The following SEMA6D variants were observed in gnomAD, a reference collection of about 807,000 sequenced individuals.
The protein encoded by SEMA6D is semaphorin 6D.
Under a neutral mutation model 106.6 loss-of-function variants are expected in SEMA6D, and 35 were observed. The ratio of observed to expected loss-of-function variants is 0.33; its 90% CI spans 0.25 to 0.44. The LOEUF (loss-of-function observed/expected upper bound fraction) is 0.44, where lower values mean the gene tolerates loss of function less well. Among genes scored for constraint, SEMA6D ranks in the 20% least tolerant of loss-of-function variants. SEMA6D has a pLI of 1.00. For missense variants in SEMA6D, 1,185 were observed against 1,345.9 expected, an observed-to-expected ratio of 0.88 and a Z score of 1.87; for synonymous variants, 499 against 487.7, an observed-to-expected ratio of 1.02 and a Z score of -0.31.
At chr15:47,591,782 G>C (rs563548101) in intron 3 of SEMA6D, among the ~76,000 whole-genome samples, 7 of 152,316 alleles carry the variant, frequency 4.6e-5, no homozygotes. Context: ...AGCAGCTTCA[G>C]GATGTTGAGA....
At chr15:47,290,183 G>A (rs150016333) in intron 1 of SEMA6D, among the ~76,000 whole-genome samples, 38 of 152,310 alleles carry the variant, frequency 2.5e-4, no homozygotes, top group South Asian at 6.2e-4. Context: ...TGAAGGGATC[G>A]CTGTGAAGCT....
chr15:47,265,748 T>TC (rs2034286666), intron 1 of SEMA6D, among the ~76,000 whole-genome samples: 1 of 152,068 alleles, frequency 6.6e-6, no homozygotes, highest in Non-Finnish European at 1.5e-5. Flanking sequence ...GGGTACCGAT[T>TC]TCCCCCACTG....
intron 4 of SEMA6D, among the ~76,000 whole-genome samples, chr15:47,642,074 C>T (rs1389093235): frequency 6.6e-6 from 1 of 152,190 alleles, no homozygotes; most frequent in Non-Finnish European, 1.5e-5. Flanking sequence ...TCTGTTTCCC[C>T]AGCCTTCTTA....
intron 18 of SEMA6D, 60 bp downstream of exon 18, chr15:47,768,808 T>C (rs560946906): frequency 6.6e-7 from 1 of 1,521,804 alleles, no homozygotes; most frequent in East Asian, 2.3e-5. Flanking sequence ...TTAATGTCAC[T>C]GAGGAGTATG....
chr15:47,771,455 T>C lies in SEMA6D; in HGVS notation c.2892T>C (p.Tyr964=), dbSNP rs768007993. Residue 964 remains tyrosine (Y), a synonymous_variant, in exon 19 of 19, where the codon TAT becomes TAC. Coordinates refer to ENST00000536845, the MANE Select transcript of SEMA6D (RefSeq NM_001358351.3). ...CTTCTCTGGAAAGACAAAGAGGTTA[T>C]CACAAAAATTCCTCCCAGAGGCACT... is the stretch of plus-strand genomic sequence containing the variant. ...PMTSLERQRG[Y]HKNSSQRHSI... 15 of 1,613,972 alleles carry C rather than the reference T, an allele frequency of 9.3e-6. No homozygotes were observed. The highest frequency in any genetic ancestry group is 8.8e-5 in the South Asian group (8 of 91,086).
chr15:47,408,138 GAGAGGTGGTGGGTA>G (rs1440876358), intron 1 of SEMA6D, among the ~76,000 whole-genome samples: 4 of 152,126 alleles, frequency 2.6e-5, no homozygotes, highest in Non-Finnish European at 5.9e-5. Context: ...TGGAAGTGGA[GAGAGGTGGTGGGTA>G]AGACAACTAC....
intron 1 of SEMA6D, among the ~76,000 whole-genome samples, chr15:47,734,098 G>C (rs538594438): frequency 6.6e-6 from 1 of 152,184 alleles, no homozygotes; most frequent in South Asian, 2.1e-4. Flanking sequence ...ATTTTCAGAT[G>C]ATGAATTTTA....
chr15:47,668,463 C>A (rs1160793385), intron 4 of SEMA6D, among the ~76,000 whole-genome samples: 3 of 152,148 alleles, frequency 2.0e-5, no homozygotes, highest in Non-Finnish European at 4.4e-5. Context: ...CTCTATTCTG[C>A]TCCTAGCTGC....
rs371289477 is a variant in SEMA6D at position 47,766,997 on chromosome 15, GTTAC to G, written c.1709-37_1709-34del. On this transcript the variant is annotated intron_variant, in intron 16 of 18. Coordinates refer to ENST00000536845, the MANE Select transcript of SEMA6D (RefSeq NM_001358351.3). ...ATTCATAAATTTTTGCTTTCTTTTG[GTTAC>G]TTTTCACTGATTACTTGTTCCTTTA... 2.4e-4 allele frequency: 298 copies of G among 1,232,968 alleles called. No individual in the cohort carries two copies. In the African/African-American group the frequency reaches 4.3e-3, roughly 18 times the overall value. The allele number at this position is 1,232,968 out of a possible 1,614,324, so 76.4% of individuals were successfully genotyped here. A position where few individuals can be genotyped will look rare whatever the true frequency, so the allele number is the denominator to read the frequency against.
chr15:47,421,200 T>TA (rs2041141760), intron 2 of SEMA6D, among the ~76,000 whole-genome samples: 1 of 152,124 alleles, frequency 6.6e-6, no homozygotes, highest in Non-Finnish European at 1.5e-5. Context: ...CCCCTTGTTA[T>TA]ACTCCTCATT....
At position 47,387,769 on chromosome 15, in the gene SEMA6D, A is replaced by G. The variant is rs1014723102; in HGVS notation, c.-238-24624A>G. Among the ~76,000 whole-genome samples, 55 of 152,328 alleles carry G rather than the reference A, an allele frequency of 3.6e-4. 1 individual carries two copies. Among genetic ancestry groups the G allele is most frequent in the African/African-American group, 1.1e-3 (47 of 41,580 alleles). ...TTGTGCGCTCAACAAACCTAGTTCA[A>G]AATTCAGGTCTGCCACTTACTAGCT... On this transcript the variant is annotated intron_variant, in intron 1 of 19. Coordinates refer to the SEMA6D transcript ENST00000558014.
intron 1 of SEMA6D, among the ~76,000 whole-genome samples, chr15:47,248,890 A>G (rs950985584): frequency 6.6e-6 from 1 of 152,180 alleles, no homozygotes; most frequent in Non-Finnish European, 1.5e-5. Flanking sequence ...CAGCTTTATC[A>G]CATGGACGCT....
chr15:47,771,387 A>G lies in SEMA6D; in HGVS notation c.2824A>G (p.Thr942Ala). Residue 942 changes from threonine (T) to alanine (A), a missense_variant, in exon 19 of 19, where the codon ACC becomes GCC. This residue lies in a region of SEMA6D where 750 missense variants were observed against 783.5 expected (regional missense o/e 0.96). Coordinates refer to ENST00000536845, the MANE Select transcript of SEMA6D (RefSeq NM_001358351.3). The part of the protein sequence containing the change: ...PPSTLPRNSP[T>A]KRVDVPTTPG... ...TTCAACTCTCCCCAGAAATAGCCCAACCAAGCGAGTGGATGTCCCCACCAC... is the reference window on the plus strand; with the variant it reads ...TTCAACTCTCCCCAGAAATAGCCCAGCCAAGCGAGTGGATGTCCCCACCAC... The G allele has an allele frequency of 6.2e-7, 1 of 1,613,968 alleles. No homozygotes were observed. The highest frequency in any genetic ancestry group is 8.5e-7 in the Non-Finnish European group (1 of 1,179,962).
intron 1 of SEMA6D, among the ~76,000 whole-genome samples, chr15:47,742,167 C>T (rs1441977463): frequency 6.6e-6 from 1 of 152,230 alleles, no homozygotes; most frequent in Non-Finnish European, 1.5e-5. Context: ...TAAACGATGT[C>T]AGTACACCAG....
intron 4 of SEMA6D, among the ~76,000 whole-genome samples, chr15:47,631,793 T>C (rs1451230625): frequency 6.6e-6 from 1 of 151,990 alleles, no homozygotes; most frequent in East Asian, 1.9e-4. Context: ...GTGTGTTGTT[T>C]GAAACCACCA....
chr15:47,341,435 C>T (rs2037808993), intron 1 of SEMA6D, among the ~76,000 whole-genome samples: 1 of 152,014 alleles, frequency 6.6e-6, no homozygotes, highest in Non-Finnish European at 1.5e-5. Flanking sequence ...AAAAATGAGA[C>T]CCCATCTAAT....
intron 1 of SEMA6D, among the ~76,000 whole-genome samples, chr15:47,316,880 T>C (rs2036703890): frequency 6.6e-6 from 1 of 152,196 alleles, no homozygotes; most frequent in Non-Finnish European, 1.5e-5. Flanking sequence ...ATTTTTCTTT[T>C]CTTGTAACAT....
At chr15:47,276,461 T>C (rs2034818078) in intron 1 of SEMA6D, among the ~76,000 whole-genome samples, 1 of 152,138 alleles carries the variant, frequency 6.6e-6, no homozygotes, top group South Asian at 2.1e-4. Context: ...CAATGCTCAT[T>C]TGCCATTCCA....
chr15:47,358,272 A>G (rs945755483), intron 1 of SEMA6D, among the ~76,000 whole-genome samples: 4 of 152,214 alleles, frequency 2.6e-5, no homozygotes, highest in South Asian at 2.1e-4. Flanking sequence ...AATGATTACT[A>G]TGACTTATGG....
Sources: allele counts gnomAD v4.1 joint callset (sites outside exome capture counted in the v4.1 genomes callset), GRCh38; gene constraint gnomAD v4.1.1; regional missense constraint gnomAD v4.1.1; transcripts MANE v1.5; gene names NCBI Gene and HGNC (gene_info 2026-07-23, HGNC 2026-07-21).